SKAP2: variants seen among roughly 807,000 people sequenced by gnomAD.
SKAP2 encodes src kinase-associated phosphoprotein 2.
In SKAP2, 28 loss-of-function variants were observed where a neutral mutation model predicts 54.9. The ratio of observed to expected loss-of-function variants is 0.51; its 90% CI spans 0.38 to 0.70. The LOEUF is 0.70. SKAP2 is among the 30% of genes least tolerant of loss of function. The pLI is 0.00. For synonymous variants in SKAP2, 137 were observed against 134.3 expected (o/e 1.02, Z -0.14); for missense variants, 356 against 424.1 (o/e 0.84, Z 1.41).
chr7:26,756,730 T>A (rs1782802991), intron 4 of SKAP2, among the ~76,000 whole-genome samples: 3 of 152,218 alleles, frequency 2.0e-5, no homozygotes, highest in African/African-American at 7.2e-5. Flanking sequence ...GTATTTCTAG[T>A]TCTAGATCCT....
intron 9 of SKAP2, among the ~76,000 whole-genome samples, chr7:26,711,823 G>C (rs773910844): frequency 2.5e-4 from 38 of 152,192 alleles, no homozygotes; most frequent in Non-Finnish European, 4.3e-4. Flanking sequence ...ATATCAGGCT[G>C]GTTAGAGAAA....
chr7:26,715,114 C>T (rs951715968), intron 9 of SKAP2, among the ~76,000 whole-genome samples: 2 of 152,086 alleles, frequency 1.3e-5, no homozygotes, highest in Middle Eastern at 3.4e-3. Context: ...AAAAGCCTAG[C>T]CCCATTAACA....
chr7:26,755,424 T>G (rs894984385), intron 4 of SKAP2, among the ~76,000 whole-genome samples: 3 of 152,072 alleles, frequency 2.0e-5, no homozygotes, highest in Non-Finnish European at 2.9e-5. Flanking sequence ...GAGAAAACAT[T>G]TGCATGGATG....
At chr7:26,823,874 G>A (rs1444806505) in intron 4 of SKAP2, among the ~76,000 whole-genome samples, 2 of 152,106 alleles carry the variant, frequency 1.3e-5, no homozygotes, top group African/African-American at 2.4e-5. Context: ...TGCTTCTCAG[G>A]GTGAGCAAAG....
chr7:26,664,361 A>C (rs183519625), downstream of SKAP2, among the ~76,000 whole-genome samples: 13 of 152,312 alleles, frequency 8.5e-5, no homozygotes, highest in Admixed American at 8.5e-4. Flanking sequence ...AGTCTGACTT[A>C]AACTGTTATC....
chr7:26,673,405 AT>A (rs1786282526), intron 11 of SKAP2, among the ~76,000 whole-genome samples: 1 of 152,056 alleles, frequency 6.6e-6, no homozygotes, highest in South Asian at 2.1e-4. Context: ...ACGTGTAATT[AT>A]TTTCTATTAA....
intron 4 of SKAP2, among the ~76,000 whole-genome samples, chr7:26,784,025 G>A (rs1783484532): frequency 6.6e-6 from 1 of 150,676 alleles, no homozygotes. Flanking sequence ...CTAAAGTAGA[G>A]CATTAAAATA....
At chr7:26,655,425 T>G in the SKAP2 span, among the ~76,000 whole-genome samples, 3 of 152,206 alleles carry the variant, frequency 2.0e-5, no homozygotes, top group African/African-American at 7.2e-5. Flanking sequence ...CTAAAAAAAA[T>G]TATTGTCATT....
At chr7:26,814,669 A>C (rs1784227495) in intron 4 of SKAP2, among the ~76,000 whole-genome samples, 1 of 152,048 alleles carries the variant, frequency 6.6e-6, no homozygotes, top group Non-Finnish European at 1.5e-5. Flanking sequence ...AAATATTTAA[A>C]CTCAAGAGAA....
At chr7:26,823,104 C>G (rs1200000033) in intron 4 of SKAP2, among the ~76,000 whole-genome samples, 2 of 151,928 alleles carry the variant, frequency 1.3e-5, no homozygotes, top group Non-Finnish European at 2.9e-5. Context: ...AAAAGTGCTA[C>G]TCCAGTGAAC....
At chr7:26,845,128 TAC>T (rs1312811792) in intron 3 of SKAP2, among the ~76,000 whole-genome samples, 1 of 152,128 alleles carries the variant, frequency 6.6e-6, no homozygotes, top group Non-Finnish European at 1.5e-5. Context: ...CCTCAGGGAT[TAC>T]CCTTAAAGCA....
chr7:26,718,593 C>T (rs1288175568), intron 9 of SKAP2, among the ~76,000 whole-genome samples: 1 of 151,954 alleles, frequency 6.6e-6, no homozygotes, highest in African/African-American at 2.4e-5. Flanking sequence ...CTCACCTCCA[C>T]CTCCCAGATT....
intron 4 of SKAP2, among the ~76,000 whole-genome samples, chr7:26,812,132 G>A (rs1250793960): frequency 6.6e-6 from 1 of 152,126 alleles, no homozygotes; most frequent in African/African-American, 2.4e-5. Context: ...TTGATACAAA[G>A]GGGCATATTA....
chr7:26,693,279 C>G (rs1786826442), intron 9 of SKAP2, among the ~76,000 whole-genome samples: 1 of 139,640 alleles, frequency 7.2e-6, no homozygotes, highest in African/African-American at 2.7e-5. Flanking sequence ...TTGCAATGAG[C>G]TGAGATCGCG....
intron 4 of SKAP2, among the ~76,000 whole-genome samples, chr7:26,796,029 G>C (rs1478147712): frequency 6.6e-6 from 1 of 152,004 alleles, no homozygotes; most frequent in African/African-American, 2.4e-5. Flanking sequence ...ATGGAAACAA[G>C]AAAAAGGTAT....
At chr7:26,678,801 C>T (rs1786418101) in intron 11 of SKAP2, among the ~76,000 whole-genome samples, 1 of 152,070 alleles carries the variant, frequency 6.6e-6, no homozygotes, top group African/African-American at 2.4e-5. Context: ...CTATAATTTA[C>T]TAAATATCGA....
chr7:26,732,247 G>A (rs1787837721), intron 6 of SKAP2, among the ~76,000 whole-genome samples: 1 of 152,118 alleles, frequency 6.6e-6, no homozygotes, highest in East Asian at 1.9e-4. Context: ...GGTGGCAATG[G>A]CACTCACTGA....
At chr7:26,685,672 T>G (rs1025665670) in intron 10 of SKAP2, among the ~76,000 whole-genome samples, 2 of 152,212 alleles carry the variant, frequency 1.3e-5, no homozygotes, top group African/African-American at 4.8e-5. Flanking sequence ...TATTTAGCAC[T>G]TTCCACTCTG....
chr7:26,824,995 G>A (rs754606230), intron 4 of SKAP2, among the ~76,000 whole-genome samples: 2 of 152,060 alleles, frequency 1.3e-5, no homozygotes, highest in Non-Finnish European at 2.9e-5. Context: ...ATTATATGAC[G>A]TTCTTTTTAA....
Sources: gnomAD v4.1 joint callset for allele counts (sites outside exome capture counted in the v4.1 genomes callset) on GRCh38, gnomAD v4.1.1 for gene constraint, MANE v1.5 for transcripts, NCBI Gene and HGNC (gene_info 2026-07-23, HGNC 2026-07-21) for gene names.